Variants in FAM193A observed in about 807,000 individuals in gnomAD.
The protein encoded by FAM193A is family with sequence similarity 193 member A.
A neutral mutation model predicts 126.5 loss-of-function variants in FAM193A; 22 were observed. That is an observed-to-expected ratio of 0.17 (90% CI 0.12 to 0.25). The LOEUF (loss-of-function observed/expected upper bound fraction) is 0.25, where lower values mean the gene tolerates loss of function less well. Ranked by LOEUF, FAM193A falls within the 10% of genes least tolerant of loss-of-function variation. FAM193A has a pLI of 1.00. For synonymous variants in FAM193A, 761 were observed against 646.8 expected (o/e 1.18, Z -2.68); for missense variants, 1,675 against 1,672.8 (o/e 1.00, Z -0.02).
At chr4:2,543,947 T>C (rs957546779) in intron 1 of FAM193A, among the ~76,000 whole-genome samples, 9 of 151,260 alleles carry the variant, frequency 6.0e-5, no homozygotes. Flanking sequence ...GGTATGATCG[T>C]TGTATAAACA....
chr4:2,541,650 T>A (rs1360130475), intron 1 of FAM193A, among the ~76,000 whole-genome samples: 10 of 151,848 alleles, frequency 6.6e-5, no homozygotes, highest in Non-Finnish European at 5.9e-5. Context: ...TTCACCATGT[T>A]GGCTAGGATG....
At chr4:2,554,445 A>G (rs1456778400) in intron 1 of FAM193A, among the ~76,000 whole-genome samples, 1 of 152,154 alleles carries the variant, frequency 6.6e-6, no homozygotes, top group South Asian at 2.1e-4. Flanking sequence ...ATCAGAGATC[A>G]TTCTTTTTAT....
intron 15 of FAM193A, among the ~76,000 whole-genome samples, chr4:2,691,417 A>G (rs1716365270): frequency 6.6e-6 from 1 of 152,164 alleles, no homozygotes; most frequent in Non-Finnish European, 1.5e-5. Context: ...GGGTTTCACC[A>G]TTTTGGCCAG....
At position 2,646,811 on chromosome 4, in the gene FAM193A, C is replaced by T. The variant is rs903159410; in HGVS notation, c.1290C>T (p.Ile430=). 6.8e-6 allele frequency: 11 copies of T among 1,613,166 alleles called. 1 individual carries two copies. The highest frequency in any genetic ancestry group is 1.3e-5 in the African/African-American group (1 of 75,020). Reference sequence around the variant, plus strand: ...AGTGGCTGGAGTGCCAGAAGAGGATCGACGCCTATGTCGACGAGCAGGTGA... The same window carrying T: ...AGTGGCTGGAGTGCCAGAAGAGGATTGACGCCTATGTCGACGAGCAGGTGA... ...AEEWLECQKR[I]DAYVDEQMTM... is the part of the protein sequence containing the mutation. Residue 430 remains isoleucine, a synonymous_variant, in exon 7 of 21, where the codon ATC becomes ATT. Coordinates refer to ENST00000637812, the MANE Select transcript of FAM193A (RefSeq NM_001366318.2).
In FAM193A at chr4:2,695,643, CAT is replaced by C. The variant is rs777536050; in HGVS notation, c.3276+515_3276+516del. 1.1e-3 allele frequency among the ~76,000 whole-genome samples: 164 copies of C among 152,230 alleles called. 1 individual carries two copies. The highest frequency in any genetic ancestry group is 3.7e-3 in the African/African-American group (152 of 41,532). On this transcript the variant is annotated intron_variant, in intron 17 of 20. Coordinates refer to ENST00000637812, the MANE Select transcript of FAM193A (RefSeq NM_001366318.2). The stretch of plus-strand genomic sequence containing the variant: ...CTGTTTGCATTTCCTAAAATGTTCA[CAT>C]GTTTTTATAGCAAGAAATTTGGCAG...
At chr4:2,711,074 G>T (rs372994674) in intron 19 of FAM193A, among the ~76,000 whole-genome samples, 1 of 150,558 alleles carries the variant, frequency 6.6e-6, no homozygotes, top group South Asian at 2.1e-4. Flanking sequence ...GGATGGTCTC[G>T]ATCTCCTGAC....
chr4:2,645,506 A>G (rs1168979750), intron 6 of FAM193A, among the ~76,000 whole-genome samples: 25 of 150,844 alleles, frequency 1.7e-4, no homozygotes, highest in Admixed American at 1.7e-3. Flanking sequence ...CCATCTTGCC[A>G]TCTTTCTTTT....
intron 5 of FAM193A, among the ~76,000 whole-genome samples, chr4:2,638,753 C>T (rs137902791): frequency 6.6e-6 from 1 of 152,244 alleles, no homozygotes; most frequent in Non-Finnish European, 1.5e-5. Flanking sequence ...TCTCTCAGCC[C>T]CCATACCAAC....
In FAM193A at chr4:2,655,259, A is replaced by C. The variant is rs1577146719; in HGVS notation, c.1312-2544A>C. The C allele has an allele frequency of 8.6e-6, 4 of 465,760 alleles. No homozygotes were observed. The East Asian group carries it at 1.2e-4, about 14-fold the overall frequency. The allele number at this position is 465,760 out of a possible 1,614,324, so 28.9% of individuals were successfully genotyped here. A position where few individuals can be genotyped will look rare whatever the true frequency, so the allele number is the denominator to read the frequency against. On this transcript the variant is annotated intron_variant, in intron 7 of 20. Transcript: ENST00000637812. The stretch of plus-strand genomic sequence containing the variant: ...TTAAAAAATAAAACAGGAAGATGTC[A>C]AAATTGATGGTATGATTTTTCTTAT...
chr4:2,614,455 A>T (rs1742067010), intron 2 of FAM193A, among the ~76,000 whole-genome samples: 1 of 152,208 alleles, frequency 6.6e-6, no homozygotes, highest in African/African-American at 2.4e-5. Flanking sequence ...TTCCTGGGAT[A>T]ACTCACATTT....
Position 2,732,104 on chromosome 4 carries a change from G to A in FAM193A, c.*236G>A. 1.8e-6 allele frequency: 1 copy of A among 547,552 alleles called. No individual in the cohort carries two copies. Among genetic ancestry groups the A allele is most frequent in the Non-Finnish European group, 3.3e-6 (1 of 303,186 alleles). 33.9% of individuals were successfully genotyped at this position (547,552 alleles called of 1,614,324 possible). A position where few individuals can be genotyped will look rare whatever the true frequency, so the allele number is the denominator to read the frequency against. ...AGCTCTGTGCTGTCGGATTGGAACA[G>A]TAGTTCCCGCCAAGTCCTCCCACCA... is the stretch of plus-strand genomic sequence containing the variant. On this transcript the variant is annotated 3_prime_UTR_variant, in exon 21 of 21. Transcript: ENST00000637812.
At chr4:2,625,132 C>T (rs1191214311) in intron 2 of FAM193A, 130 bp from the exon 3 acceptor site, 1 of 583,704 alleles carries the variant, frequency 1.7e-6, no homozygotes, top group Non-Finnish European at 3.1e-6. Flanking sequence ...TGTATCTGGC[C>T]AAGATAGTTT....
At chr4:2,730,451 G>A (rs547303530) in intron 20 of FAM193A, among the ~76,000 whole-genome samples, 4 of 152,260 alleles carry the variant, frequency 2.6e-5, no homozygotes, top group East Asian at 1.9e-4. Context: ...AGCATTTTGC[G>A]AGGCCGAGGA....
chr4:2,672,687 A>G (rs888400403), intron 13 of FAM193A, among the ~76,000 whole-genome samples: 1 of 152,246 alleles, frequency 6.6e-6, no homozygotes, highest in African/African-American at 2.4e-5. Flanking sequence ...GGAGACCAGT[A>G]ATCTACTTGT....
At position 2,610,841 on chromosome 4, in the gene FAM193A, G is replaced by T. The variant is rs568861210; in HGVS notation, c.502-14421G>T. On this transcript the variant is annotated intron_variant, in intron 2 of 20. Transcript: ENST00000637812. The stretch of plus-strand genomic sequence containing the variant: ...CAGCCTCCGCCTCCCAAGTTCAAGC[G>T]ATTCTCCTGCCTCAGTCTCCCAAGT... Among the ~76,000 whole-genome samples the T allele has an allele frequency of 6.6e-5, 10 of 151,618 alleles. 1 individual carries two copies. The South Asian group carries it at 2.1e-3, about 32-fold the overall frequency.
intron 10 of FAM193A, 135 bp from the exon 11 acceptor site, chr4:2,662,703 G>A (rs931684142): frequency 7.4e-6 from 4 of 538,226 alleles, no homozygotes; most frequent in Non-Finnish European, 1.3e-5. Flanking sequence ...GTTAGTGGTA[G>A]GAATGATACT....
intron 20 of FAM193A, among the ~76,000 whole-genome samples, chr4:2,718,609 C>T (rs1719793319): frequency 6.6e-6 from 1 of 152,102 alleles, no homozygotes; most frequent in Non-Finnish European, 1.5e-5. Context: ...CGCCTGTAGT[C>T]CCAGCTACTC....
At chr4:2,654,396 T>G (rs1401239565) in intron 7 of FAM193A, 2 of 149,964 alleles carry the variant, frequency 1.3e-5, no homozygotes, top group Non-Finnish European at 3.0e-5. Context: ...TTTTTTTTTT[T>G]TTTTTGTATT....
At chr4:2,552,735 C>G (rs1738011628) in intron 1 of FAM193A, among the ~76,000 whole-genome samples, 1 of 151,482 alleles carries the variant, frequency 6.6e-6, no homozygotes, top group Non-Finnish European at 1.5e-5. Flanking sequence ...GACGGGGTTT[C>G]ACCGTGTTAG....
Sources: gnomAD v4.1 joint callset for allele counts (sites outside exome capture counted in the v4.1 genomes callset) on GRCh38, gnomAD v4.1.1 for gene constraint, MANE v1.5 for transcripts, NCBI Gene and HGNC (gene_info 2026-07-23, HGNC 2026-07-21) for gene names.